The following BACE2 variants were observed in gnomAD, a reference collection of about 807,000 sequenced individuals.
BACE2 encodes 56 kDa aspartic-like protease.
Under a neutral mutation model 46.2 loss-of-function variants are expected in BACE2, and 17 were observed. The observed-to-expected ratio is 0.37, with a 90% CI of 0.25 to 0.55. The LOEUF is 0.55. BACE2 is among the 20% of genes least tolerant of loss of function. The pLI is 0.82. For synonymous variants in BACE2, 277 were observed against 295.9 expected (o/e 0.94, Z 0.66); for missense variants, 595 against 698.1 (o/e 0.85, Z 1.66).
intron 1 of BACE2, 82 bp from the exon 2 acceptor site, chr21:41,226,184 T>G (rs1453047807): frequency 9.1e-7 from 1 of 1,096,566 alleles, no homozygotes; most frequent in Non-Finnish European, 1.4e-6. Context: ...GCTACTTAGT[T>G]TTAAAAACAT....
At chr21:41,270,785 C>T (rs2088426849) in intron 8 of BACE2, among the ~76,000 whole-genome samples, 1 of 152,130 alleles carries the variant, frequency 6.6e-6, no homozygotes, top group Non-Finnish European at 1.5e-5. Context: ...GTATATTCTG[C>T]TATTATGGGT....
At chr21:41,204,443 A>G (rs1986062387) in intron 1 of BACE2, among the ~76,000 whole-genome samples, 1 of 152,166 alleles carries the variant, frequency 6.6e-6, no homozygotes, top group South Asian at 2.1e-4. Flanking sequence ...TGCAGAAGAA[A>G]GGGAATTAGG....
chr21:41,214,638 G>A (rs1986400694), intron 1 of BACE2, among the ~76,000 whole-genome samples: 1 of 152,170 alleles, frequency 6.6e-6, no homozygotes, highest in Admixed American at 6.5e-5. Flanking sequence ...CCTTTTGCCT[G>A]GAATGTGCAT....
At chr21:41,201,432 A>T (rs1372847126) in intron 1 of BACE2, among the ~76,000 whole-genome samples, 1 of 152,274 alleles carries the variant, frequency 6.6e-6, no homozygotes, top group East Asian at 1.9e-4. Context: ...GGCTGAAGCC[A>T]TCGAGCTGCC....
intron 1 of BACE2, among the ~76,000 whole-genome samples, chr21:41,169,907 C>T (rs1189610352): frequency 6.6e-6 from 1 of 152,220 alleles, no homozygotes. Flanking sequence ...GGGAGCTTAA[C>T]TTGGCTGTAA....
chr21:41,257,382 T>G lies in BACE2; in HGVS notation c.1303+56T>G. 3.2e-6 allele frequency: 5 copies of G among 1,581,152 alleles called. No homozygotes were observed. In the South Asian group the frequency reaches 4.5e-5, roughly 14 times the overall value. Reference sequence around the variant, plus strand: ...CCGACAAGAGTCCTTTATGTAAATGTGCTGACTTGGAAGCAATTCTTGATG... The same window carrying G: ...CCGACAAGAGTCCTTTATGTAAATGGGCTGACTTGGAAGCAATTCTTGATG... On this transcript the variant is annotated intron_variant, in intron 8 of 8. Coordinates refer to ENST00000330333, the MANE Select transcript of BACE2 (RefSeq NM_012105.5).
intron 8 of BACE2, among the ~76,000 whole-genome samples, chr21:41,271,547 C>A (rs2088435012): frequency 2.0e-5 from 3 of 152,066 alleles, no homozygotes; most frequent in Non-Finnish European, 4.4e-5. Flanking sequence ...TTCTTTTTGT[C>A]TCATTTGTTA....
At chr21:41,250,693 T>C (rs1987611045) in intron 6 of BACE2, 59 bp from the exon 7 acceptor site, 2 of 1,549,430 alleles carry the variant, frequency 1.3e-6, no homozygotes, top group Non-Finnish European at 1.8e-6. Context: ...AGCCTGGAGC[T>C]GTTTCCTGTT....
intron 1 of BACE2, among the ~76,000 whole-genome samples, chr21:41,201,316 A>G (rs1472931621): frequency 1.3e-5 from 2 of 152,244 alleles, no homozygotes; most frequent in African/African-American, 2.4e-5. Flanking sequence ...CATTAAGTAG[A>G]GTTGAGTTTG....
At chr21:41,235,554 A>G (rs1987092411) in intron 2 of BACE2, among the ~76,000 whole-genome samples, 1 of 152,250 alleles carries the variant, frequency 6.6e-6, no homozygotes, top group South Asian at 2.1e-4. Flanking sequence ...AATGAATAAA[A>G]GGCCAGATAG....
At chr21:41,267,612 G>C (rs774193903) in intron 8 of BACE2, among the ~76,000 whole-genome samples, 6 of 152,178 alleles carry the variant, frequency 3.9e-5, no homozygotes, top group Non-Finnish European at 7.4e-5. Context: ...TTTAAAAATA[G>C]CAGAGTTAGC....
intron 2 of BACE2, among the ~76,000 whole-genome samples, chr21:41,237,186 G>A (rs1472173042): frequency 3.9e-5 from 6 of 152,148 alleles, no homozygotes; most frequent in African/African-American, 7.2e-5. Context: ...AGTGGCTCAC[G>A]CCTGTAATCC....
At chr21:41,223,302 G>A (rs1049260370) in intron 1 of BACE2, among the ~76,000 whole-genome samples, 4 of 151,750 alleles carry the variant, frequency 2.6e-5, no homozygotes, top group Admixed American at 2.6e-4. Context: ...GCTACAGCAA[G>A]TGATGATTGT....
chr21:41,267,428 C>T (rs1251467339), intron 8 of BACE2, among the ~76,000 whole-genome samples: 1 of 152,152 alleles, frequency 6.6e-6, no homozygotes, highest in Non-Finnish European at 1.5e-5. Context: ...TTTAGTGTAT[C>T]CAAAGCTTAT....
At chr21:41,267,848 TC>T (rs1341547499) in intron 8 of BACE2, among the ~76,000 whole-genome samples, 1 of 152,184 alleles carries the variant, frequency 6.6e-6, no homozygotes, top group Non-Finnish European at 1.5e-5. Context: ...AGAATGTTTT[TC>T]TAAGTAAACC....
intron 1 of BACE2, among the ~76,000 whole-genome samples, chr21:41,206,345 T>C (rs1448081377): frequency 1.3e-5 from 2 of 151,934 alleles, no homozygotes; most frequent in Non-Finnish European, 2.9e-5. Context: ...CCTAATCACC[T>C]CCCAAAGGCC....
At chr21:41,177,530 G>T in intron 1 of BACE2, 1 of 152,286 alleles carries the variant, frequency 6.6e-6, no homozygotes, top group Non-Finnish European at 1.5e-5. Flanking sequence ...CCCTTGGGAC[G>T]GGGCACACAA....
intron 8 of BACE2, among the ~76,000 whole-genome samples, chr21:41,262,440 A>T (rs886104921): frequency 6.6e-5 from 10 of 151,056 alleles, no homozygotes; most frequent in Admixed American, 2.0e-4. Flanking sequence ...AGTTTTATTT[A>T]TTTTTTTTTA....
In BACE2 at chr21:41,281,338, A is replaced by G. The variant is rs1360007641; in HGVS notation, c.*5714A>G. 1 of 152,260 alleles carries G rather than the reference A, an allele frequency of 6.6e-6. No individual in the cohort carries two copies. The highest frequency in any genetic ancestry group is 1.5e-5 in the Non-Finnish European group (1 of 68,044). The allele number at this position is 152,260 out of a possible 1,614,324, so 9.4% of individuals were successfully genotyped here. A position where few individuals can be genotyped will look rare whatever the true frequency, so the allele number is the denominator to read the frequency against. ...TGGGCACAGCTGTCACTTTCGTGGTATCAATAAAAGGCTAGAAACCTTGGG... is the reference window on the plus strand; with the variant it reads ...TGGGCACAGCTGTCACTTTCGTGGTGTCAATAAAAGGCTAGAAACCTTGGG... On this transcript the variant is annotated 3_prime_UTR_variant, in exon 9 of 9. Coordinates refer to ENST00000330333, the MANE Select transcript of BACE2 (RefSeq NM_012105.5).
Sources: allele counts gnomAD v4.1 joint callset (sites outside exome capture counted in the v4.1 genomes callset), GRCh38; gene constraint gnomAD v4.1.1; transcripts MANE v1.5; gene names NCBI Gene and HGNC (gene_info 2026-07-23, HGNC 2026-07-21).